The following CTCFL variants were observed in gnomAD, a reference collection of about 807,000 sequenced individuals.
CTCFL encodes the protein transcriptional repressor CTCFL.
CTCFL carries 36 observed loss-of-function variants against 67.4 expected under a neutral mutation model. The ratio of observed to expected loss-of-function variants is 0.53; its 90% CI spans 0.41 to 0.71. The LOEUF (loss-of-function observed/expected upper bound fraction) is 0.71, where lower values mean the gene tolerates loss of function less well. CTCFL is among the 30% of genes least tolerant of loss of function. The pLI is 0.00. For missense variants in CTCFL, 786 were observed against 835.2 expected, an observed-to-expected ratio of 0.94 and a Z score of 0.73; for synonymous variants, 324 against 302.3, an observed-to-expected ratio of 1.07 and a Z score of -0.75.
chr20:57,498,565 G>C lies in CTCFL; in HGVS notation c.1977C>G (p.Asn659Lys), dbSNP rs1218230897. 24 of 1,613,646 alleles carry C rather than the reference G, an allele frequency of 1.5e-5. No homozygotes were observed. The highest frequency in any genetic ancestry group is 2.0e-5 in the Non-Finnish European group (24 of 1,179,864). ...DEGVTCEMLLNTMDK is the reference protein window; with the variant it reads ...DEGVTCEMLLKTMDK ...CGAATCCCTCTCACTTATCCATCGTGTTGAGGAGCATTTCACAGGTCACGC... is the reference window on the plus strand; with the variant it reads ...CGAATCCCTCTCACTTATCCATCGTCTTGAGGAGCATTTCACAGGTCACGC... Residue 659 changes from asparagine to lysine, a missense_variant, in exon 11 of 11, where the codon AAC (asparagine) becomes AAG (lysine). Transcript: ENST00000243914.
At position 57,503,569 on chromosome 20, in the gene CTCFL, T is replaced by G. The variant is rs1009077334; in HGVS notation, c.1707A>C (p.Gly569=). The part of the protein sequence containing the change: ...INLHRHSEKC[G]SGEAKSAASG... ...AAGCAGCCGACTTTGCTTCCCCTGA[T>G]CCACACTTCTCCGAATGTCTGTGCA... The change falls in exon 10 of 11, where the codon GGA becomes GGC. Residue 569 remains glycine (G), a synonymous_variant. Coordinates refer to ENST00000243914, the MANE Select transcript of CTCFL (RefSeq NM_001386993.1). 2 of 1,614,002 alleles carry G rather than the reference T, an allele frequency of 1.2e-6. No homozygotes were observed. The highest frequency in any genetic ancestry group is 3.3e-5 in the Admixed American group (2 of 60,000).
intron 10 of CTCFL, chr20:57,500,223 G>A: frequency 9.6e-7 from 1 of 1,040,338 alleles, no homozygotes; most frequent in East Asian, 1.1e-4. Context: ...CCACCACTTT[G>A]GGAGGCCGAG....
chr20:57,501,487 C>G (rs2067914271), intron 10 of CTCFL, among the ~76,000 whole-genome samples: 1 of 152,114 alleles, frequency 6.6e-6, no homozygotes, highest in Admixed American at 6.5e-5. Flanking sequence ...CCTCCAGCCC[C>G]TTCCTCCATT....
In CTCFL at chr20:57,512,757, A is replaced by G. The variant is rs377608275; in HGVS notation, c.1331-5T>C. 6.2e-7 allele frequency: 1 copy of G among 1,613,818 alleles called. No homozygotes were observed. The highest frequency in any genetic ancestry group is 8.5e-7 in the Non-Finnish European group (1 of 1,179,744). On this transcript the variant is annotated splice_polypyrimidine_tract_variant and splice_region_variant and intron_variant, in intron 7 of 10. Coordinates refer to ENST00000243914, the MANE Select transcript of CTCFL (RefSeq NM_001386993.1). ...GCAAGTTGCGCATATGCACACCTAA[A>G]ATGGTCACAGAACATTATATACTTC...
intron 5 of CTCFL, among the ~76,000 whole-genome samples, chr20:57,517,531 G>A (rs927914060): frequency 1.3e-5 from 2 of 152,066 alleles, no homozygotes; most frequent in Admixed American, 6.6e-5. Flanking sequence ...GCTCACCTTG[G>A]CCTCCCAAAG....
rs766036346 is a variant in CTCFL, at chr20:57,523,997, G to A, written c.209C>T (p.Ala70Val). 2 of 1,613,246 alleles carry A rather than the reference G, an allele frequency of 1.2e-6. No homozygotes were observed. The highest frequency in any genetic ancestry group is 1.7e-6 in the Non-Finnish European group (2 of 1,179,994). ...VLEEEVELVL[A>V]PSEESEKYIL... The stretch of plus-strand genomic sequence containing the variant: ...GTACTTCTCGCTCTCCTCCGAGGGG[G>A]CCAGCACCAGCTCCACTTCTTCCTC... The change falls in exon 2 of 11, where the codon GCC becomes GTC. Residue 70 changes from alanine to valine, a missense_variant. Ala to Val is a moderately conservative substitution (Grantham distance 64, BLOSUM62 0). Coordinates refer to ENST00000243914, the MANE Select transcript of CTCFL (RefSeq NM_001386993.1).
intron 3 of CTCFL, among the ~76,000 whole-genome samples, chr20:57,519,625 A>T (rs895876992): frequency 3.3e-5 from 5 of 152,216 alleles, no homozygotes; most frequent in African/African-American, 1.2e-4. Flanking sequence ...TACTCTGCTC[A>T]TCCTTCTTGC....
rs145362048 is a variant in CTCFL at position 57,523,173 on chromosome 20, G to A, written c.649C>T (p.Leu217Phe). 65 of 1,613,880 alleles carry A rather than the reference G, an allele frequency of 4.0e-5. No homozygotes were observed. The highest frequency in any genetic ancestry group is 5.5e-5 in the Non-Finnish European group (65 of 1,179,910). Reference sequence around the variant, plus strand: ...TCCACATTTGAATTTGAAACTGTGAGAACAATTTCGTCACTTCTTTCATCT... The same window carrying A: ...TCCACATTTGAATTTGAAACTGTGAAAACAATTTCGTCACTTCTTTCATCT... The part of the protein sequence containing the change: ...SGDERSDEIV[L>F]TVSNSNVEEQ... The change falls in exon 3 of 11, where the codon CTC becomes TTC. Residue 217 changes from leucine to phenylalanine, a missense_variant. This residue lies in a region of CTCFL where 333 missense variants were observed against 304.6 expected (regional missense o/e 1.09). Transcript: ENST00000243914.
rs7268402 is a variant in CTCFL, at chr20:57,505,390, G to T, written c.1675-1789C>A. On this transcript the variant is annotated intron_variant, in intron 9 of 10. Transcript: ENST00000243914. ...CCTGCCTCAGCCTCCCGAGTAGCTG[G>T]GACTACAGGCATGTGCCACCACGCC... Among the ~76,000 whole-genome samples, 531 of 151,718 alleles carry T rather than the reference G, an allele frequency of 3.5e-3. 10 individuals carry two copies. The highest frequency in any genetic ancestry group is 0.012 in the African/African-American group (516 of 41,442).
chr20:57,518,570 G>C, intron 5 of CTCFL, 188 bp downstream of exon 5: 6 of 1,453,556 alleles, frequency 4.1e-6, no homozygotes, highest in Non-Finnish European at 3.7e-6. Context: ...AGTAATCAAA[G>C]AAACAAAGAA....
chr20:57,523,413 C>T (rs1047873134), intron 2 of CTCFL, 135 bp from the exon 3 acceptor site: 4 of 1,004,286 alleles, frequency 4.0e-6, no homozygotes, highest in Non-Finnish European at 5.7e-6. Context: ...TATTTCGCAT[C>T]AGGGTTGTGG....
intron 3 of CTCFL, among the ~76,000 whole-genome samples, chr20:57,522,253 C>T (rs1274418835): frequency 6.6e-6 from 1 of 152,056 alleles, no homozygotes; most frequent in African/African-American, 2.4e-5. Flanking sequence ...CCTTCCAATC[C>T]CAGGCACCTG....
At chr20:57,515,325 C>T (rs1218156549) in intron 6 of CTCFL, 1 of 198,896 alleles carries the variant, frequency 5.0e-6, no homozygotes, top group South Asian at 7.7e-5. Context: ...TTAAATTACT[C>T]GTAGAGACAG....
At chr20:57,513,569 G>A in intron 7 of CTCFL, 1 of 1,108,502 alleles carries the variant, frequency 9.0e-7, no homozygotes, top group Non-Finnish European at 1.1e-6. Flanking sequence ...ACTTTGCCAT[G>A]GTGTCAAAAA....
intron 10 of CTCFL, among the ~76,000 whole-genome samples, chr20:57,501,460 A>C (rs369062291): frequency 3.9e-5 from 6 of 152,162 alleles, no homozygotes; most frequent in Admixed American, 2.0e-4. Flanking sequence ...AAGGGGCCTT[A>C]GATGGGAGGG....
Position 57,519,386 on chromosome 20 carries a change from A to G in CTCFL, c.755-9T>C, listed in dbSNP as rs993590582. 1.2e-6 allele frequency: 2 copies of G among 1,610,246 alleles called. No homozygotes were observed. Among genetic ancestry groups the G allele is most frequent in the Admixed American group, 3.3e-5 (2 of 59,706 alleles). ...GAAGGTTCCTTTTGCTCCTATAGGC[A>G]GGAAATAGTTTATGTATTTGTTAGA... On this transcript the variant is annotated splice_polypyrimidine_tract_variant and intron_variant, in intron 3 of 10. Transcript: ENST00000243914.
intron 3 of CTCFL, among the ~76,000 whole-genome samples, chr20:57,521,529 CAT>C (rs1446761199): frequency 1.3e-5 from 2 of 152,198 alleles, no homozygotes; most frequent in Non-Finnish European, 2.9e-5. Context: ...AAAAATTAAA[CAT>C]AGAGTAACCA....
intron 9 of CTCFL, among the ~76,000 whole-genome samples, chr20:57,508,220 A>G (rs1372274410): frequency 6.6e-6 from 1 of 152,170 alleles, no homozygotes; most frequent in East Asian, 1.9e-4. Context: ...TATAGACACC[A>G]ATAACATTAT....
chr20:57,519,559 A>G (rs2069190304), intron 3 of CTCFL, among the ~76,000 whole-genome samples, 182 bp from the exon 4 acceptor site: 3 of 152,186 alleles, frequency 2.0e-5, no homozygotes, highest in African/African-American at 7.2e-5. Context: ...TGAACAATGC[A>G]TTTTCGCTGT....
Sources: gnomAD v4.1 joint callset for allele counts (sites outside exome capture counted in the v4.1 genomes callset) on GRCh38, gnomAD v4.1.1 for gene constraint, gnomAD v4.1.1 regional missense constraint, MANE v1.5 for transcripts, NCBI Gene and HGNC (gene_info 2026-07-23, HGNC 2026-07-21) for gene names.